NDUFS1: variants seen among roughly 807,000 people sequenced by gnomAD.
NDUFS1 encodes the protein NADH:ubiquinone oxidoreductase core subunit S1.
In NDUFS1, 61 loss-of-function variants were observed where a neutral mutation model predicts 84.4. The ratio of observed to expected loss-of-function variants is 0.72; its 90% confidence interval spans 0.59 to 0.89. The LOEUF is 0.89. Among genes scored for constraint, NDUFS1 ranks in the 40% least tolerant of loss-of-function variants. The probability of loss-of-function intolerance (pLI) is 0.00; values close to 1 mark genes in which losing one functional copy is unlikely to be tolerated. For synonymous variants in NDUFS1, 275 were observed against 290.0 expected, an observed-to-expected ratio of 0.95 and a Z score of 0.53; for missense variants, 891 against 890.0, an observed-to-expected ratio of 1.00 and a Z score of -0.01.
At chr2:206,131,766 A>C (rs924049594) in intron 14 of NDUFS1, among the ~76,000 whole-genome samples, 2 of 151,942 alleles carry the variant, frequency 1.3e-5, no homozygotes, top group Non-Finnish European at 2.9e-5. Flanking sequence ...GGTGAAACCC[A>C]GTCTCTACTA....
intron 1 of NDUFS1, among the ~76,000 whole-genome samples, chr2:206,157,847 A>G (rs1385103489): frequency 6.6e-6 from 1 of 152,150 alleles, no homozygotes; most frequent in East Asian, 1.9e-4. Flanking sequence ...ACTTTTCCAT[A>G]TAGGGACTAT....
chr2:206,146,936 G>A lies in NDUFS1; in HGVS notation c.704C>T (p.Pro235Leu). The A allele has an allele frequency of 6.2e-7, 1 of 1,614,032 alleles. No homozygotes were observed. ...ICPVGALTSK[P>L]YAFTARPWET... Reference sequence around the variant, plus strand: ...CCAAGGCCGGGCAGTAAAGGCATAGGGCTTAGAGGTTAGGGCACCTACAGG... The same window carrying A: ...CCAAGGCCGGGCAGTAAAGGCATAGAGCTTAGAGGTTAGGGCACCTACAGG... Residue 235 changes from proline (P) to leucine (L), a missense_variant, in exon 8 of 19, where the codon CCC (proline) becomes CTC (leucine). By Grantham distance (98) the Pro-to-Leu change is moderately conservative. Coordinates refer to ENST00000233190, the MANE Select transcript of NDUFS1 (RefSeq NM_005006.7).
chr2:206,118,965 G>C lies in NDUFS1; in HGVS notation c.*5220C>G, dbSNP rs996909049. ...TAGCTGGGCGTGGTGGTGTGCTCCT[G>C]TAGTCCCAGCTACTCAGGAGGCTGA... On this transcript the variant is annotated 3_prime_UTR_variant, in exon 19 of 19. Transcript: ENST00000233190. 1.3e-5 allele frequency: 2 copies of C among 152,330 alleles called. No homozygotes were observed. Among genetic ancestry groups the C allele is most frequent in the African/African-American group, 4.8e-5 (2 of 41,446 alleles). 9.4% of individuals were successfully genotyped at this position (152,330 alleles called of 1,614,324 possible). A position where few individuals can be genotyped will look rare whatever the true frequency, so the allele number is the denominator to read the frequency against.
chr2:206,136,577 G>A (rs1304340167), intron 13 of NDUFS1, among the ~76,000 whole-genome samples: 1 of 150,428 alleles, frequency 6.6e-6, no homozygotes, highest in Non-Finnish European at 1.5e-5. Context: ...GGGATTACAG[G>A]TGCCCATCAC....
chr2:206,123,815 C>T lies in NDUFS1; in HGVS notation c.*370G>A. ...GCTTGACAAGGTGCTTAAATCTTTT[C>T]TTTAGCACTAGAAAAAAGTAGGTTT... On this transcript the variant is annotated 3_prime_UTR_variant, in exon 19 of 19. Transcript: ENST00000233190. The T allele has an allele frequency of 5.6e-6, 1 of 179,066 alleles. No homozygotes were observed. Among genetic ancestry groups the T allele is most frequent in the South Asian group, 1.4e-4 (1 of 7,138 alleles). 11.1% of individuals were successfully genotyped at this position (179,066 alleles called of 1,614,324 possible).
At position 206,122,636 on chromosome 2, in the gene NDUFS1, A is replaced by AAAAAAAAAAAC. The variant is rs1343136973; in HGVS notation, c.*1548_*1549insGTTTTTTTTTT. 2.0e-5 allele frequency: 3 copies of AAAAAAAAAAAC among 151,450 alleles called. No homozygotes were observed. The highest frequency in any genetic ancestry group is 2.9e-5 in the Non-Finnish European group (2 of 67,942). The allele number at this position is 151,450 out of a possible 1,614,324, so 9.4% of individuals were successfully genotyped here. A position where few individuals can be genotyped will look rare whatever the true frequency, so the allele number is the denominator to read the frequency against. Reference sequence around the variant, plus strand: ...CAGAGTAAGACTCCATCTCAAAAAAAAAAAAAAAACAAAGGGAAAAAGGGC... The same window carrying AAAAAAAAAAAC: ...CAGAGTAAGACTCCATCTCAAAAAAAAAAAAAAAAACAAAAAAAAACAAAGGGAAAAAGGGC... On this transcript the variant is annotated 3_prime_UTR_variant, in exon 19 of 19. Coordinates refer to ENST00000233190, the MANE Select transcript of NDUFS1 (RefSeq NM_005006.7).
At chr2:206,147,461 T>C in intron 7 of NDUFS1, 70 bp downstream of exon 7, 1 of 1,455,198 alleles carries the variant, frequency 6.9e-7, no homozygotes, top group Non-Finnish European at 9.4e-7. Flanking sequence ...CCAATGTTAT[T>C]ATTCATCAAA....
rs58098820 is a variant in NDUFS1, at chr2:206,131,852, T to C, written c.1553+1093A>G. On this transcript the variant is annotated intron_variant, in intron 14 of 18. Transcript: ENST00000233190. The stretch of plus-strand genomic sequence containing the variant: ...TACTCAGGAGGCTGAGGCAGGAGAA[T>C]TGCTTGAACTTCAGGGATGGAGGTT... Among the ~76,000 whole-genome samples, 1,365 of 152,094 alleles carry C rather than the reference T, an allele frequency of 9.0e-3. 16 individuals carry two copies. The highest frequency in any genetic ancestry group is 0.031 in the African/African-American group (1,295 of 41,496).
At chr2:206,157,946 C>G (rs995952018) in intron 1 of NDUFS1, among the ~76,000 whole-genome samples, 1 of 148,926 alleles carries the variant, frequency 6.7e-6, no homozygotes, top group African/African-American at 2.5e-5. Context: ...CACTCCTTGC[C>G]TGGAGTATTT....
chr2:206,145,444 A>G (rs1459068455), intron 8 of NDUFS1, among the ~76,000 whole-genome samples: 2 of 152,124 alleles, frequency 1.3e-5, no homozygotes, highest in Non-Finnish European at 2.9e-5. Context: ...TTGAACACAT[A>G]AATTCCTGGC....
Position 206,149,086 on chromosome 2 carries a change from G to T in NDUFS1, c.272C>A (p.Ala91Asp). The change falls in exon 5 of 19, where the codon GCT becomes GAT. Residue 91 changes from alanine to aspartate, a missense_variant. By Grantham distance (126) the Ala-to-Asp change is moderately radical. Coordinates refer to ENST00000233190, the MANE Select transcript of NDUFS1 (RefSeq NM_005006.7). Reference protein sequence around the residue: ...EIEKAPKVVAACAMPVMKGWN... With the variant: ...EIEKAPKVVADCAMPVMKGWN... ...ACCCTTCATTACTGGCATGGCACAA[G>T]CAGCTACAACCTGGGATTTCAATGA... 3 of 1,612,138 alleles carry T rather than the reference G, an allele frequency of 1.9e-6. No individual in the cohort carries two copies. The highest frequency in any genetic ancestry group is 2.5e-6 in the Non-Finnish European group (3 of 1,179,186).
chr2:206,153,472 A>G, intron 2 of NDUFS1, 146 bp downstream of exon 2: 1 of 586,618 alleles, frequency 1.7e-6, no homozygotes, highest in Non-Finnish European at 3.1e-6. Context: ...CTAGGATTAC[A>G]GGCATGAGCC....
Position 206,145,051 on chromosome 2 carries a change from T to C in NDUFS1, c.738-25A>G, listed in dbSNP as rs752431313. ...TCTGAGAAACACATACGGTGTTTACTATGGTGCTTTTGGGAATAAAGAAAG... is the reference window on the plus strand; with the variant it reads ...TCTGAGAAACACATACGGTGTTTACCATGGTGCTTTTGGGAATAAAGAAAG... On this transcript the variant is annotated intron_variant, in intron 8 of 18. Coordinates refer to ENST00000233190, the MANE Select transcript of NDUFS1 (RefSeq NM_005006.7). The C allele has an allele frequency of 1.0e-5, 16 of 1,582,040 alleles. No individual in the cohort carries two copies. In the East Asian group the frequency reaches 3.6e-4, roughly 36 times the overall value.
At position 206,147,848 on chromosome 2, in the gene NDUFS1, G is replaced by GT; in HGVS notation, c.339-15dup. 1 of 1,604,140 alleles carries GT rather than the reference G, an allele frequency of 6.2e-7. No homozygotes were observed. The highest frequency in any genetic ancestry group is 8.5e-7 in the Non-Finnish European group (1 of 1,171,086). On this transcript the variant is annotated splice_polypyrimidine_tract_variant and intron_variant, in intron 5 of 18. Coordinates refer to ENST00000233190, the MANE Select transcript of NDUFS1 (RefSeq NM_005006.7). Reference sequence around the variant, plus strand: ...ATCACACCTTCCCTGTATGAAAATTGTAACATATAAAATGACTCTCAAATA... The same window carrying GT: ...ATCACACCTTCCCTGTATGAAAATTGTTAACATATAAAATGACTCTCAAATA...
intron 4 of NDUFS1, 25 bp downstream of exon 4, chr2:206,149,793 G>A (rs778119424): frequency 1.3e-6 from 2 of 1,502,292 alleles, no homozygotes; most frequent in Non-Finnish European, 1.9e-6. Flanking sequence ...CTACAGCATG[G>A]TGTAGAATTT....
At position 206,116,556 on chromosome 2, in the gene NDUFS1, CG is replaced by C; in HGVS notation, c.*7628del. ...CGCCTCAGCCACTCGCGCGGGGAGG[CG>C]GGGCGGTGTGGGCAGAAGTAAATTT... On this transcript the variant is annotated 3_prime_UTR_variant, in exon 19 of 19. Coordinates refer to ENST00000233190, the MANE Select transcript of NDUFS1 (RefSeq NM_005006.7). 1 of 693,756 alleles carries C rather than the reference CG, an allele frequency of 1.4e-6. No individual in the cohort carries two copies. Among genetic ancestry groups the C allele is most frequent in the Non-Finnish European group, 2.4e-6 (1 of 409,752 alleles). 43.0% of individuals were successfully genotyped at this position (693,756 alleles called of 1,614,324 possible).
At chr2:206,149,202 T>C in intron 4 of NDUFS1, 106 bp from the exon 5 acceptor site, 1 of 855,286 alleles carries the variant, frequency 1.2e-6, no homozygotes, top group Non-Finnish European at 1.8e-6. Context: ...AAATTATACA[T>C]TTGATAACAG....
At chr2:206,143,949 C>CG in intron 10 of NDUFS1, 69 bp downstream of exon 10, 1 of 1,219,070 alleles carries the variant, frequency 8.2e-7, no homozygotes, top group Admixed American at 1.8e-5. Flanking sequence ...TATACATCCC[C>CG]CCCTTCATGG....
intron 13 of NDUFS1, among the ~76,000 whole-genome samples, chr2:206,134,104 ATATAT>A (rs1454693005): frequency 1.3e-5 from 2 of 152,246 alleles, no homozygotes; most frequent in African/African-American, 2.4e-5. Context: ...AATTATGCTG[ATATAT>A]TATAAAGAGG....
Sources: gnomAD v4.1 joint callset for allele counts (sites outside exome capture counted in the v4.1 genomes callset) on GRCh38, gnomAD v4.1.1 for gene constraint, MANE v1.5 for transcripts, NCBI Gene and HGNC (gene_info 2026-07-23, HGNC 2026-07-21) for gene names.